Variants in CHRM5 observed in about 807,000 individuals in gnomAD.
The protein encoded by CHRM5 is cholinergic receptor muscarinic 5, also known as muscarinic acetylcholine receptor M5.
A neutral mutation model predicts 39.0 loss-of-function variants in CHRM5; 18 were observed. The observed-to-expected ratio is 0.46, with a 90% CI of 0.32 to 0.68. The LOEUF (loss-of-function observed/expected upper bound fraction) is 0.68. Among genes scored for constraint, CHRM5 ranks in the 30% least tolerant of loss-of-function variants. CHRM5 has a pLI of 0.04. For synonymous variants in CHRM5, 241 were observed against 246.3 expected (o/e 0.98, Z 0.20); for missense variants, 515 against 651.1 (o/e 0.79, Z 2.28).
At chr15:34,040,043 G>C (rs1899400272) in intron 1 of CHRM5, among the ~76,000 whole-genome samples, 1 of 152,176 alleles carries the variant, frequency 6.6e-6, no homozygotes, top group Non-Finnish European at 1.5e-5. Context: ...AGCAGAATAA[G>C]TGTTTTCTTC....
At chr15:34,041,807 A>C (rs1899486935) in intron 1 of CHRM5, among the ~76,000 whole-genome samples, 1 of 152,228 alleles carries the variant, frequency 6.6e-6, no homozygotes, top group African/African-American at 2.4e-5. Flanking sequence ...GTTGCAAAAA[A>C]GTTAAATAAT....
At chr15:34,025,874 A>C (rs1898446993) in intron 1 of CHRM5, among the ~76,000 whole-genome samples, 1 of 152,214 alleles carries the variant, frequency 6.6e-6, no homozygotes, top group African/African-American at 2.4e-5. Flanking sequence ...GCCCGTGTTT[A>C]CACTTACCAC....
intron 1 of CHRM5, among the ~76,000 whole-genome samples, chr15:34,022,463 C>T (rs1214141261): frequency 6.6e-6 from 1 of 152,132 alleles, no homozygotes; most frequent in Admixed American, 6.5e-5. Flanking sequence ...AAAGCTTTTA[C>T]CTTGTATTAG....
intron 1 of CHRM5, among the ~76,000 whole-genome samples, chr15:34,024,137 TGCCAGGCATTAG>T (rs1567473792): frequency 5.1e-5 from 7 of 137,184 alleles, no homozygotes; most frequent in African/African-American, 1.9e-4. Flanking sequence ...GCTGATACTA[TGCCAGGCATTAG>T]TCAGTGTGCT....
At chr15:34,053,899 G>T (rs569715364) in intron 2 of CHRM5, among the ~76,000 whole-genome samples, 126 of 152,156 alleles carry the variant, frequency 8.3e-4, no homozygotes, top group Middle Eastern at 3.4e-3. Flanking sequence ...ACAACTTACA[G>T]AATGGGAGAA....
At chr15:34,023,834 A>G (rs1597363760) in intron 1 of CHRM5, among the ~76,000 whole-genome samples, 1 of 152,178 alleles carries the variant, frequency 6.6e-6, no homozygotes, top group Non-Finnish European at 1.5e-5. Context: ...GAAAGAAAAC[A>G]TGTGTTAGAA....
chr15:34,016,937 C>T (rs778783926), intron 1 of CHRM5, among the ~76,000 whole-genome samples: 31 of 151,916 alleles, frequency 2.0e-4, no homozygotes, highest in Admixed American at 1.6e-3. Flanking sequence ...AAGATCAGCC[C>T]GGACAACATG....
At chr15:34,052,476 A>C (rs1899960614) in intron 2 of CHRM5, among the ~76,000 whole-genome samples, 1 of 152,362 alleles carries the variant, frequency 6.6e-6, no homozygotes, top group East Asian at 1.9e-4. Flanking sequence ...TATTCAACAT[A>C]GTATTCAAAG....
chr15:33,989,558 G>A (rs1896629035), intron 1 of CHRM5, among the ~76,000 whole-genome samples: 2 of 151,818 alleles, frequency 1.3e-5, no homozygotes, highest in Admixed American at 1.3e-4. Flanking sequence ...CTACACTTCA[G>A]GCACACTACT....
At chr15:33,983,617 C>G (rs1361438567) in intron 1 of CHRM5, among the ~76,000 whole-genome samples, 1 of 152,122 alleles carries the variant, frequency 6.6e-6, no homozygotes, top group African/African-American at 2.4e-5. Context: ...ACATTATTTA[C>G]TGTCATTGTT....
At chr15:34,024,429 C>T (rs1898347956) in intron 1 of CHRM5, among the ~76,000 whole-genome samples, 2 of 144,852 alleles carry the variant, frequency 1.4e-5, no homozygotes, top group Admixed American at 7.0e-5. Flanking sequence ...GCCAAGACTG[C>T]ACCACTGCCC....
At chr15:34,006,507 T>A (rs999198682) in intron 1 of CHRM5, among the ~76,000 whole-genome samples, 1 of 152,102 alleles carries the variant, frequency 6.6e-6, no homozygotes, top group African/African-American at 2.4e-5. Flanking sequence ...ATGGCAAAAA[T>A]GTAAATCTGG....
intron 1 of CHRM5, among the ~76,000 whole-genome samples, chr15:34,045,695 T>G (rs1047097483): frequency 8.6e-5 from 13 of 150,690 alleles, no homozygotes; most frequent in Middle Eastern, 6.8e-3. Flanking sequence ...GGCATAAAGC[T>G]TCTCATAAAA....
At chr15:34,055,277 C>T (rs548323254) in intron 2 of CHRM5, among the ~76,000 whole-genome samples, 3 of 151,716 alleles carry the variant, frequency 2.0e-5, no homozygotes, top group African/African-American at 7.3e-5. Context: ...GTGGGTGGAT[C>T]TCTTGAGGCC....
At chr15:33,991,204 A>G in intron 1 of CHRM5, 1 of 152,230 alleles carries the variant, frequency 6.6e-6, no homozygotes, top group East Asian at 1.9e-4. Context: ...TGACGGTATT[A>G]AATCCAATAA....
chr15:33,969,772 G>T (rs1194453662), intron 1 of CHRM5, among the ~76,000 whole-genome samples: 2 of 151,968 alleles, frequency 1.3e-5, no homozygotes, highest in East Asian at 3.8e-4. Context: ...TCAACAAGAG[G>T]ATAAAAAGAT....
At chr15:33,997,465 C>T (rs555517319) in intron 1 of CHRM5, among the ~76,000 whole-genome samples, 2 of 152,292 alleles carry the variant, frequency 1.3e-5, no homozygotes, top group East Asian at 3.9e-4. Context: ...GAGGTCTCCA[C>T]ACCAACTCAC....
intron 2 of CHRM5, among the ~76,000 whole-genome samples, chr15:34,048,043 G>C (rs1899781464): frequency 7.4e-6 from 1 of 134,482 alleles, no homozygotes; most frequent in Non-Finnish European, 1.5e-5. Context: ...GTGTTTGTGT[G>C]TGTGTGTGTT....
chr15:33,979,651 T>C (rs1291415032), intron 1 of CHRM5, among the ~76,000 whole-genome samples: 5 of 152,222 alleles, frequency 3.3e-5, no homozygotes, highest in African/African-American at 1.2e-4. Context: ...CCAAATGTTA[T>C]CTGTTTTCAG....
Sources: gnomAD v4.1 joint callset for allele counts (sites outside exome capture counted in the v4.1 genomes callset) on GRCh38, gnomAD v4.1.1 for gene constraint, MANE v1.5 for transcripts, NCBI Gene and HGNC (gene_info 2026-07-23, HGNC 2026-07-21) for gene names.